Variants in EPM2A observed in about 807,000 individuals in gnomAD.
EPM2A encodes laforin.
A neutral mutation model predicts 26.5 loss-of-function variants in EPM2A; 21 were observed. That is an observed-to-expected ratio of 0.79 (90% CI 0.56 to 1.14). The LOEUF (loss-of-function observed/expected upper bound fraction) is 1.14, where lower values mean the gene tolerates loss of function less well. Among genes scored for constraint, EPM2A ranks in the 50% most tolerant of loss-of-function variants. EPM2A has a pLI of 0.00. For missense variants in EPM2A, 458 were observed against 440.8 expected, an observed-to-expected ratio of 1.04 and a Z score of -0.35; for synonymous variants, 217 against 177.6, an observed-to-expected ratio of 1.22 and a Z score of -1.76.
chr6:145,611,347 G>A (rs78160183), intron 2 of EPM2A, among the ~76,000 whole-genome samples: 2 of 151,752 alleles, frequency 1.3e-5, no homozygotes, highest in East Asian at 3.9e-4. Context: ...AGACAACTTC[G>A]ACTTCTGCTT....
chr6:145,709,102 A>G (rs1782391783), intron 1 of EPM2A, among the ~76,000 whole-genome samples: 1 of 152,136 alleles, frequency 6.6e-6, no homozygotes, highest in Non-Finnish European at 1.5e-5. Context: ...GAAGTAACTA[A>G]CTTGCTTTTG....
intron 4 of EPM2A, among the ~76,000 whole-genome samples, chr6:145,386,598 T>A (rs1333783386): frequency 6.6e-6 from 1 of 152,204 alleles, no homozygotes; most frequent in Non-Finnish European, 1.5e-5. Flanking sequence ...TCACACTTAA[T>A]AACTGTGTTT....
chr6:145,436,197 A>G (rs1778986441), intron 4 of EPM2A, among the ~76,000 whole-genome samples: 1 of 152,214 alleles, frequency 6.6e-6, no homozygotes, highest in South Asian at 2.1e-4. Flanking sequence ...TTTAAGGCCA[A>G]ATATGTTGCA....
chr6:145,471,124 T>A (rs1199043447), intron 4 of EPM2A, among the ~76,000 whole-genome samples: 1 of 152,162 alleles, frequency 6.6e-6, no homozygotes, highest in Non-Finnish European at 1.5e-5. Context: ...CACATAATCA[T>A]AACATTAAGT....
chr6:145,561,599 G>C (rs1192184310), intron 2 of EPM2A, among the ~76,000 whole-genome samples: 1 of 152,092 alleles, frequency 6.6e-6, no homozygotes, highest in Non-Finnish European at 1.5e-5. Flanking sequence ...CCATGAGTCA[G>C]GCAACCCCTA....
chr6:145,519,471 C>G (rs642243), intron 2 of EPM2A, among the ~76,000 whole-genome samples: 1 of 152,154 alleles, frequency 6.6e-6, no homozygotes, highest in Non-Finnish European at 1.5e-5. Context: ...AATCCCCCCT[C>G]CAACTTCACT....
intron 1 of EPM2A, among the ~76,000 whole-genome samples, chr6:145,689,581 A>G (rs1781145156): frequency 6.6e-6 from 1 of 152,218 alleles, no homozygotes; most frequent in Admixed American, 6.5e-5. Context: ...AAGGACAGAA[A>G]AAGAAAACAT....
rs1775811178 is a variant in EPM2A at position 145,626,413 on chromosome 6, C to T, written c.*1003G>A. On this transcript the variant is annotated 3_prime_UTR_variant, in exon 4 of 4. Transcript: ENST00000367519. Reference sequence around the variant, plus strand: ...TAGTATAGTTCCTCTCATGAATTTCCACTCTGGTCTTAAAACAGCCCATCA... The same window carrying T: ...TAGTATAGTTCCTCTCATGAATTTCTACTCTGGTCTTAAAACAGCCCATCA... The T allele has an allele frequency of 1.0e-6, 1 of 985,794 alleles. No homozygotes were observed. The highest frequency in any genetic ancestry group is 1.2e-6 in the Non-Finnish European group (1 of 829,998). The allele number at this position is 985,794 out of a possible 1,614,324, so 61.1% of individuals were successfully genotyped here.
intron 2 of EPM2A, among the ~76,000 whole-genome samples, chr6:145,609,584 A>G (rs1775345935): frequency 6.6e-6 from 1 of 152,192 alleles, no homozygotes; most frequent in Non-Finnish European, 1.5e-5. Flanking sequence ...TAGAGAAGCT[A>G]TCCATGGCTC....
At position 145,706,815 on chromosome 6, in the gene EPM2A, G is replaced by A. The variant is rs956731875; in HGVS notation, c.302-20519C>T. On this transcript the variant is annotated intron_variant, in intron 1 of 3. Coordinates refer to ENST00000367519, the MANE Select transcript of EPM2A (RefSeq NM_005670.4). ...ATATAATAAATATAAATTATTTGAA[G>A]AGGCCACTTGCTATAGTTTAAGTGT... Among the ~76,000 whole-genome samples the A allele has an allele frequency of 1.7e-4, 26 of 152,122 alleles. 1 individual carries two copies. Among genetic ancestry groups the A allele is most frequent in the Non-Finnish European group, 1.0e-4 (7 of 68,018 alleles).
chr6:145,534,907 C>T (rs1407381239), intron 2 of EPM2A, among the ~76,000 whole-genome samples: 3 of 152,118 alleles, frequency 2.0e-5, no homozygotes, highest in African/African-American at 7.2e-5. Context: ...ACCACCTCAC[C>T]TCTAGGTCCA....
At chr6:145,495,299 C>A (rs1303224133) in intron 4 of EPM2A, among the ~76,000 whole-genome samples, 1 of 143,206 alleles carries the variant, frequency 7.0e-6, no homozygotes, top group Non-Finnish European at 1.5e-5. Flanking sequence ...ACTGGAATTG[C>A]AACCACTGGG....
At chr6:145,692,207 GT>G in intron 1 of EPM2A, among the ~76,000 whole-genome samples, 1 of 152,068 alleles carries the variant, frequency 6.6e-6, no homozygotes, top group East Asian at 1.9e-4. Flanking sequence ...CAGTAAGGTG[GT>G]TAAATACGTA....
At chr6:145,685,658 A>G (rs138504984) in intron 2 of EPM2A, among the ~76,000 whole-genome samples, 57 of 152,342 alleles carry the variant, frequency 3.7e-4, no homozygotes, top group Non-Finnish European at 7.4e-4. Flanking sequence ...GAACAAATAA[A>G]TCAAAATATT....
At chr6:145,575,345 G>A (rs905405448) in intron 2 of EPM2A, among the ~76,000 whole-genome samples, 1 of 152,096 alleles carries the variant, frequency 6.6e-6, no homozygotes, top group Non-Finnish European at 1.5e-5. Context: ...TCCAATCAAT[G>A]CCCTCATTTT....
intron 4 of EPM2A, among the ~76,000 whole-genome samples, chr6:145,427,513 A>G (rs1189625207): frequency 4.6e-5 from 7 of 152,158 alleles, no homozygotes. Flanking sequence ...TGGAGGTGTC[A>G]CAGTGCGTCT....
chr6:145,469,993 G>A lies in EPM2A; in HGVS notation c.555+32529C>T, dbSNP rs538627166. On this transcript the variant is annotated intron_variant, in intron 4 of 4. Coordinates refer to the EPM2A transcript ENST00000638717. ...TAAAACAATTGAACTCGTGAAGACA[G>A]AGATTAGAACTATGATTCCCAGAGG... Among the ~76,000 whole-genome samples, 7 of 152,236 alleles carry A rather than the reference G, an allele frequency of 4.6e-5. No homozygotes were observed. The East Asian group carries it at 9.7e-4, about 21-fold the overall frequency.
At chr6:145,467,267 G>A (rs563886486) in intron 4 of EPM2A, among the ~76,000 whole-genome samples, 80 of 152,042 alleles carry the variant, frequency 5.3e-4, no homozygotes, top group African/African-American at 1.8e-3. Context: ...GTGAGGGTGC[G>A]AGGTAGGGCA....
chr6:145,693,277 T>C (rs2128620058), intron 1 of EPM2A, among the ~76,000 whole-genome samples: 1 of 152,186 alleles, frequency 6.6e-6, no homozygotes, highest in Middle Eastern at 3.4e-3. Flanking sequence ...CCTAAAACTT[T>C]GCTCAAGTTG....
Sources: gnomAD v4.1 joint callset for allele counts (sites outside exome capture counted in the v4.1 genomes callset) on GRCh38, gnomAD v4.1.1 for gene constraint, MANE v1.5 for transcripts, NCBI Gene and HGNC (gene_info 2026-07-23, HGNC 2026-07-21) for gene names.